Variants in SEC16B observed in about 807,000 individuals in gnomAD.
SEC16B encodes protein transport protein Sec16B.
In SEC16B, 115 loss-of-function variants were observed where a neutral mutation model predicts 141.8. The ratio of observed to expected loss-of-function variants is 0.81; its 90% confidence interval spans 0.70 to 0.95. The LOEUF (loss-of-function observed/expected upper bound fraction) is 0.95. Among genes scored for constraint, SEC16B ranks in the 40% least tolerant of loss-of-function variants. SEC16B has a pLI of 0.00. For missense variants in SEC16B, 1,291 were observed against 1,312.3 expected (o/e 0.98, Z 0.25); for synonymous variants, 493 against 492.5 (o/e 1.00, Z -0.01).
intron 4 of SEC16B, 90 bp from the exon 5 acceptor site, chr1:177,964,369 G>T: frequency 3.6e-6 from 3 of 842,968 alleles, no homozygotes; most frequent in Non-Finnish European, 5.6e-6. Flanking sequence ...CTGCTCCAAA[G>T]CGTGGGCAGG....
chr1:177,976,149 G>A (rs751457102), intron 1 of SEC16B, among the ~76,000 whole-genome samples: 9 of 152,174 alleles, frequency 5.9e-5, no homozygotes, highest in Admixed American at 4.6e-4. Flanking sequence ...TGCCACCTAC[G>A]TAGCTGCCTG....
chr1:177,959,458 T>C (rs918150405), intron 8 of SEC16B: 1 of 173,204 alleles, frequency 5.8e-6, no homozygotes, highest in African/African-American at 2.4e-5. Context: ...CTCAAGATTA[T>C]CCAATAACAT....
At chr1:177,954,671 C>T (rs1022275893) in intron 10 of SEC16B, among the ~76,000 whole-genome samples, 7 of 152,140 alleles carry the variant, frequency 4.6e-5, no homozygotes, top group Non-Finnish European at 4.4e-5. Flanking sequence ...TTTCGTAGCA[C>T]TTGAACATCA....
rs1415087 is a variant in SEC16B at position 177,975,806 on chromosome 1, C to G, written c.-58-7767G>C. Among the ~76,000 whole-genome samples the G allele has an allele frequency of 1.3e-3, 201 of 152,268 alleles. 2 individuals carry two copies. The highest frequency in any genetic ancestry group is 4.4e-3 in the African/African-American group (181 of 41,552). On this transcript the variant is annotated intron_variant and NMD_transcript_variant, in intron 1 of 24. Transcript: ENST00000528461. The stretch of plus-strand genomic sequence containing the variant: ...CCTCTTGACTCCAACTAAGCTACCC[C>G]CTGGAAACAGTCCTGGGATATGGAA...
intron 20 of SEC16B, 66 bp downstream of exon 20, chr1:177,936,232 A>G: frequency 1.5e-6 from 2 of 1,350,232 alleles, no homozygotes; most frequent in Non-Finnish European, 2.1e-6. Context: ...TGGGAAACCA[A>G]GGCAACTGGT....
At chr1:177,968,415 T>C (rs1233977947) in intron 1 of SEC16B, among the ~76,000 whole-genome samples, 1 of 152,168 alleles carries the variant, frequency 6.6e-6, no homozygotes, top group East Asian at 1.9e-4. Flanking sequence ...TGTGGTATCA[T>C]AAACAGAGTG....
At chr1:177,964,356 G>T in intron 4 of SEC16B, 77 bp from the exon 5 acceptor site, 2 of 1,038,532 alleles carry the variant, frequency 1.9e-6, no homozygotes, top group Non-Finnish European at 2.9e-6. Context: ...GCCGGAAGCT[G>T]ACCTGCTCCA....
Position 177,933,327 on chromosome 1 carries a change from G to A in SEC16B, c.2725-15C>T. On this transcript the variant is annotated splice_polypyrimidine_tract_variant and intron_variant, in intron 21 of 25. Coordinates refer to ENST00000308284, the MANE Select transcript of SEC16B (RefSeq NM_033127.4). ...AACCCTGAGCTCTGGAAGGGGAAGA[G>A]GACATTTTATGACCTGCAGGTTGGC... 6.3e-7 allele frequency: 1 copy of A among 1,588,130 alleles called. No homozygotes were observed. Among genetic ancestry groups the A allele is most frequent in the Non-Finnish European group, 8.6e-7 (1 of 1,166,558 alleles).
chr1:177,932,857 A>T, intron 22 of SEC16B, 51 bp from the exon 23 acceptor site: 1 of 1,513,456 alleles, frequency 6.6e-7, no homozygotes, highest in Non-Finnish European at 9.0e-7. Context: ...CAGTTAACAA[A>T]TTGATGCCCG....
At chr1:177,958,451 G>T in intron 9 of SEC16B, 89 bp from the exon 10 acceptor site, 4 of 1,077,216 alleles carry the variant, frequency 3.7e-6, no homozygotes, top group Non-Finnish European at 5.2e-6. Flanking sequence ...CAGGGAGCCT[G>T]CCTTCTTCAC....
chr1:177,938,313 C>T (rs1201768925), intron 18 of SEC16B, among the ~76,000 whole-genome samples: 2 of 104,748 alleles, frequency 1.9e-5, no homozygotes, highest in Admixed American at 2.0e-4. Flanking sequence ...GATCTTTTGA[C>T]GCATAGGGCC....
chr1:177,930,528 C>A lies in SEC16B; in HGVS notation c.3111+17G>T, dbSNP rs373335991. The A allele has an allele frequency of 5.0e-6, 8 of 1,596,566 alleles. No homozygotes were observed. The highest frequency in any genetic ancestry group is 3.3e-5 in the South Asian group (3 of 90,102). On this transcript the variant is annotated intron_variant, in intron 25 of 25. Coordinates refer to ENST00000308284, the MANE Select transcript of SEC16B (RefSeq NM_033127.4). ...CCTGTACTCCTGGCCAGCCCCTCCC[C>A]CTGAGGGCTTCCTTACCTGAGGCAC...
Position 177,942,833 on chromosome 1 carries a change from G to A in SEC16B, c.1882-793C>T, listed in dbSNP as rs118057630. On this transcript the variant is annotated intron_variant, in intron 15 of 25. Transcript: ENST00000308284. Reference sequence around the variant, plus strand: ...CCAAGTTCAAATAAAAGCTCCATGCGAGGTGTGAAACATTGGGCTAGTTAC... The same window carrying A: ...CCAAGTTCAAATAAAAGCTCCATGCAAGGTGTGAAACATTGGGCTAGTTAC... Among the ~76,000 whole-genome samples the A allele has an allele frequency of 3.8e-4, 58 of 152,262 alleles. 1 individual carries two copies. In the East Asian group the frequency reaches 9.5e-3, roughly 25 times the overall value.
chr1:177,932,758 G>C lies in SEC16B; in HGVS notation c.2872C>G (p.Leu958Val). 6.2e-7 allele frequency: 1 copy of C among 1,612,454 alleles called. No homozygotes were observed. Among genetic ancestry groups the C allele is most frequent in the East Asian group, 2.2e-5 (1 of 44,854 alleles). Residue 958 changes from leucine to valine, a missense_variant, in exon 23 of 26, where the codon CTG (leucine) becomes GTG (valine). Transcript: ENST00000308284. ...GGTGGGGACTCAGGGGAAGGTGTCA[G>C]TGAGAGGCCCAGGCCAGCCTGGTGG... ...SPHQAGLGLS[L>V]TPSPESPPLP... is the part of the protein sequence containing the mutation.
rs1285762145 is a variant in SEC16B, at chr1:177,965,044, T to C, written c.533+3A>G. ...TCAAACTGGCCTCTCCTTTCACACT[T>C]ACTGGAAGTGGGTCTCACTATTTGT... is the stretch of plus-strand genomic sequence containing the variant. On this transcript the variant is annotated splice_donor_region_variant and intron_variant, in intron 4 of 25. Coordinates refer to ENST00000308284, the MANE Select transcript of SEC16B (RefSeq NM_033127.4). 8 of 1,613,198 alleles carry C rather than the reference T, an allele frequency of 5.0e-6. No homozygotes were observed. Among genetic ancestry groups the C allele is most frequent in the Non-Finnish European group, 6.8e-6 (8 of 1,179,562 alleles).
At chr1:177,952,477 T>C (rs1210060471) in intron 11 of SEC16B, among the ~76,000 whole-genome samples, 1 of 152,196 alleles carries the variant, frequency 6.6e-6, no homozygotes, top group Non-Finnish European at 1.5e-5. Context: ...TGTAGTGCTT[T>C]TGCTCACAAG....
rs199705935 is a variant in SEC16B at position 177,930,553 on chromosome 1, C to G, written c.3103G>C (p.Val1035Leu). The G allele has an allele frequency of 7.1e-5, 114 of 1,613,192 alleles. No homozygotes were observed. The African/African-American group carries it at 1.2e-3, about 17-fold the overall frequency. ...CCTGAGGGCTTCCTTACCTGAGGCA[C>G]CTGAGATGGGTTGTAAAGAGGAACA... ...GAVPLYNPSQ[V>L]PQLPTATSLN... Residue 1035 changes from valine (V) to leucine (L), a missense_variant, in exon 25 of 26, where the codon GTG becomes CTG. By Grantham distance (32) the Val-to-Leu change is conservative (BLOSUM62 1). Transcript: ENST00000308284.
chr1:177,937,261 G>A lies in SEC16B; in HGVS notation c.2456C>T (p.Thr819Ile). The A allele has an allele frequency of 6.2e-7, 1 of 1,613,848 alleles. No homozygotes were observed. The highest frequency in any genetic ancestry group is 8.5e-7 in the Non-Finnish European group (1 of 1,179,852). ...CATTTCCTCCCAGACTGTTCCTCCA[G>A]TGGCCTCTGTCACTGCCACGCTGCT... Reference protein sequence around the residue: ...TGSSVAVTEATGGTVWEEMLQ... With the variant: ...TGSSVAVTEAIGGTVWEEMLQ... The change falls in exon 19 of 26, where the codon ACT becomes ATT. Residue 819 changes from threonine (T) to isoleucine (I), a missense_variant. By Grantham distance (89) the Thr-to-Ile change is moderately conservative (BLOSUM62 -1). Coordinates refer to ENST00000308284, the MANE Select transcript of SEC16B (RefSeq NM_033127.4).
At chr1:177,947,524 C>T (rs962627348) in intron 13 of SEC16B, among the ~76,000 whole-genome samples, 4 of 151,976 alleles carry the variant, frequency 2.6e-5, no homozygotes, top group Non-Finnish European at 5.9e-5. Context: ...TGCATTCACT[C>T]ACGGCAGAAA....
Sources: allele counts gnomAD v4.1 joint callset (sites outside exome capture counted in the v4.1 genomes callset), GRCh38; gene constraint gnomAD v4.1.1; transcripts MANE v1.5; gene names NCBI Gene and HGNC (gene_info 2026-07-23, HGNC 2026-07-21).